The following PTPRJ variants were observed in gnomAD, a reference collection of about 807,000 sequenced individuals.
The protein encoded by PTPRJ is receptor-type tyrosine-protein phosphatase eta.
PTPRJ carries 129 observed loss-of-function variants against 141.3 expected under a neutral mutation model. That is an observed-to-expected ratio of 0.91 (90% CI 0.79 to 1.06). PTPRJ has a LOEUF of 1.06. Ranked by LOEUF, PTPRJ falls within the 50% of genes least tolerant of loss-of-function variation. The probability of loss-of-function intolerance (pLI) is 0.00; values close to 1 mark genes in which losing one functional copy is unlikely to be tolerated. For synonymous variants in PTPRJ, 610 were observed against 640.5 expected (o/e 0.95, Z 0.72); for missense variants, 1,601 against 1,679.7 (o/e 0.95, Z 0.82).
At chr11:48,129,341 C>T in intron 7 of PTPRJ, among the ~76,000 whole-genome samples, 1 of 152,192 alleles carries the variant, frequency 6.6e-6, no homozygotes, top group East Asian at 1.9e-4. Flanking sequence ...TGAGGCCTCC[C>T]TCTTGGCTTA....
chr11:48,168,575 T>TATAC lies in PTPRJ; in HGVS notation c.*1216_*1217insCATA, dbSNP rs1565338134. The stretch of plus-strand genomic sequence containing the variant: ...ATATATATATATATATATATATATA[T>TATAC]ATATATACACTAAGCTCTCAAAAAC... On this transcript the variant is annotated 3_prime_UTR_variant, in exon 25 of 25. Coordinates refer to ENST00000418331, the MANE Select transcript of PTPRJ (RefSeq NM_002843.4). 1.6e-5 allele frequency: 2 copies of TATAC among 123,960 alleles called. No individual in the cohort carries two copies. The highest frequency in any genetic ancestry group is 3.1e-5 in the African/African-American group (1 of 32,412). The allele number at this position is 123,960 out of a possible 1,614,324, so 7.7% of individuals were successfully genotyped here. A position where few individuals can be genotyped will look rare whatever the true frequency, so the allele number is the denominator to read the frequency against.
At chr11:48,101,997 C>T (rs1856162783) in intron 1 of PTPRJ, among the ~76,000 whole-genome samples, 1 of 152,150 alleles carries the variant, frequency 6.6e-6, no homozygotes. Context: ...CAGAAATCCT[C>T]TCCTAAGAGA....
intron 1 of PTPRJ, among the ~76,000 whole-genome samples, chr11:48,069,786 A>G (rs1257098597): frequency 6.6e-6 from 1 of 152,202 alleles, no homozygotes; most frequent in African/African-American, 2.4e-5. Context: ...CCAGTTATCC[A>G]ATGATGGTGA....
At chr11:48,147,012 T>C (rs760430678) in intron 15 of PTPRJ, 49 bp downstream of exon 15, 31 of 1,505,108 alleles carry the variant, frequency 2.1e-5, no homozygotes, top group Non-Finnish European at 2.6e-5. Flanking sequence ...AAGGAAGCTT[T>C]CTATTAAGGA....
chr11:47,993,978 A>G (rs1221088648), intron 1 of PTPRJ, among the ~76,000 whole-genome samples: 5 of 151,764 alleles, frequency 3.3e-5, no homozygotes, highest in African/African-American at 1.2e-4. Flanking sequence ...CTCCTGCCTC[A>G]GCCTCCTGAG....
chr11:48,016,970 C>T (rs1054956670), intron 1 of PTPRJ, among the ~76,000 whole-genome samples: 1 of 151,622 alleles, frequency 6.6e-6, no homozygotes, highest in African/African-American at 2.4e-5. Flanking sequence ...CATGTTGTGG[C>T]CCAGGTCTTG....
At chr11:48,163,072 G>C (rs1404903571) in intron 22 of PTPRJ, among the ~76,000 whole-genome samples, 1 of 152,164 alleles carries the variant, frequency 6.6e-6, no homozygotes, top group Non-Finnish European at 1.5e-5. Context: ...GCTCGGGGAT[G>C]GGGCTCATGC....
chr11:48,151,824 T>A (rs558471363), intron 18 of PTPRJ, among the ~76,000 whole-genome samples: 1 of 152,310 alleles, frequency 6.6e-6, no homozygotes, highest in East Asian at 1.9e-4. Context: ...GTGTGCCACA[T>A]TTTTCTTAGT....
Position 48,153,785 on chromosome 11 carries a change from T to C in PTPRJ, c.3139-11T>C. 1.3e-6 allele frequency: 2 copies of C among 1,590,858 alleles called. No homozygotes were observed. Among genetic ancestry groups the C allele is most frequent in the Non-Finnish European group, 1.7e-6 (2 of 1,158,806 alleles). On this transcript the variant is annotated splice_polypyrimidine_tract_variant and intron_variant, in intron 18 of 24. Transcript: ENST00000418331. Reference sequence around the variant, plus strand: ...CTAAATAAATGAACACCTCATTTGTTTTGTTTTCAGGATCTGAAGCTTGTT... The same window carrying C: ...CTAAATAAATGAACACCTCATTTGTCTTGTTTTCAGGATCTGAAGCTTGTT...
At chr11:48,021,901 C>G (rs767025176) in intron 1 of PTPRJ, among the ~76,000 whole-genome samples, 1 of 152,118 alleles carries the variant, frequency 6.6e-6, no homozygotes, top group Non-Finnish European at 1.5e-5. Flanking sequence ...CATTCCTGAC[C>G]TAAGGCAGCA....
intron 2 of PTPRJ, among the ~76,000 whole-genome samples, chr11:48,110,358 C>T (rs1395718552): frequency 6.6e-6 from 1 of 152,144 alleles, no homozygotes; most frequent in African/African-American, 2.4e-5. Flanking sequence ...AGGCACGTGC[C>T]ACCATGTCCG....
At chr11:48,128,265 G>T (rs34073149) in intron 7 of PTPRJ, among the ~76,000 whole-genome samples, 11,188 of 152,260 alleles carry the variant, frequency 0.073, 443 homozygotes, top group Middle Eastern at 0.11. Flanking sequence ...GCTGAGAGAG[G>T]TGCTAGACAG....
chr11:48,010,145 C>T (rs1046654633), intron 1 of PTPRJ, among the ~76,000 whole-genome samples: 1 of 152,090 alleles, frequency 6.6e-6, no homozygotes, highest in Non-Finnish European at 1.5e-5. Flanking sequence ...TGCCACAGGG[C>T]CTGGTAACCC....
chr11:47,982,221 G>T (rs565403746), intron 1 of PTPRJ, among the ~76,000 whole-genome samples: 91 of 152,324 alleles, frequency 6.0e-4, no homozygotes, highest in South Asian at 1.2e-3. Flanking sequence ...TCTCCTGGGG[G>T]CCAGAAGGCA....
At chr11:48,156,936 C>T (rs1857623590) in intron 21 of PTPRJ, among the ~76,000 whole-genome samples, 1 of 151,934 alleles carries the variant, frequency 6.6e-6, no homozygotes, top group African/African-American at 2.4e-5. Context: ...GGATAAGCCT[C>T]AGCAGCCTCC....
chr11:48,084,799 GGGTCCATCTTGA>G (rs1855653824), intron 1 of PTPRJ, among the ~76,000 whole-genome samples: 1 of 152,080 alleles, frequency 6.6e-6, no homozygotes, highest in South Asian at 2.1e-4. Context: ...TTGCTGCTTG[GGGTCCATCTTGA>G]GGGGATTGCC....
intron 1 of PTPRJ, among the ~76,000 whole-genome samples, chr11:48,103,651 C>A (rs962352663): frequency 2.6e-5 from 4 of 152,094 alleles, no homozygotes; most frequent in Admixed American, 6.5e-5. Context: ...TGCTTTTATC[C>A]AGGTGTATAC....
At chr11:48,114,058 TGTTA>T (rs1438528467) in intron 3 of PTPRJ, among the ~76,000 whole-genome samples, 3 of 152,188 alleles carry the variant, frequency 2.0e-5, no homozygotes, top group Non-Finnish European at 4.4e-5. Context: ...ACAATAGTTT[TGTTA>T]GTTCTAGAAG....
At chr11:48,068,576 T>C (rs963414663) in intron 1 of PTPRJ, among the ~76,000 whole-genome samples, 5 of 152,212 alleles carry the variant, frequency 3.3e-5, no homozygotes, top group Non-Finnish European at 7.3e-5. Flanking sequence ...CTTTATAAAT[T>C]ACCCAGTCTC....
Sources: allele counts gnomAD v4.1 joint callset (sites outside exome capture counted in the v4.1 genomes callset), GRCh38; gene constraint gnomAD v4.1.1; transcripts MANE v1.5; gene names NCBI Gene and HGNC (gene_info 2026-07-23, HGNC 2026-07-21).